ADAMTSL1: variants seen among roughly 807,000 people sequenced by gnomAD.
ADAMTSL1 encodes the protein ADAMTS-like protein 1.
Under a neutral mutation model 201.8 loss-of-function variants are expected in ADAMTSL1, and 126 were observed. The observed-to-expected ratio is 0.62, with a 90% CI of 0.54 to 0.72. The LOEUF (loss-of-function observed/expected upper bound fraction) is 0.72. Among genes scored for constraint, ADAMTSL1 ranks in the 30% least tolerant of loss-of-function variants. The probability of loss-of-function intolerance (pLI) is 0.00; values close to 1 mark genes in which losing one functional copy is unlikely to be tolerated. For missense variants in ADAMTSL1, 2,679 were observed against 2,277.8 expected (o/e 1.18, Z -3.59); for synonymous variants, 1,121 against 903.4 (o/e 1.24, Z -4.32).
intron 1 of ADAMTSL1, among the ~76,000 whole-genome samples, chr9:18,135,180 G>A (rs1035512124): frequency 2.0e-4 from 31 of 152,236 alleles, no homozygotes; most frequent in African/African-American, 7.2e-4. Context: ...TCCATATGTG[G>A]AATCTGCTCT....
At chr9:18,452,112 C>T (rs1397263718) in intron 2 of ADAMTSL1, among the ~76,000 whole-genome samples, 3 of 152,058 alleles carry the variant, frequency 2.0e-5, no homozygotes, top group Non-Finnish European at 4.4e-5. Context: ...GGGGTTTCTC[C>T]ATGTTGGTCA....
At chr9:18,251,479 T>A (rs1184287721) in intron 2 of ADAMTSL1, among the ~76,000 whole-genome samples, 3 of 152,334 alleles carry the variant, frequency 2.0e-5, no homozygotes, top group Non-Finnish European at 4.4e-5. Context: ...ACAAAGGATG[T>A]ACTTCTGAAT....
intron 3 of ADAMTSL1, among the ~76,000 whole-genome samples, chr9:18,565,879 G>A (rs1224103867): frequency 6.6e-6 from 1 of 152,140 alleles, no homozygotes; most frequent in African/African-American, 2.4e-5. Flanking sequence ...CCAAAATTTG[G>A]GGGTTAAAGC....
At chr9:18,281,878 C>T (rs550340402) in intron 2 of ADAMTSL1, among the ~76,000 whole-genome samples, 11 of 152,312 alleles carry the variant, frequency 7.2e-5, no homozygotes, top group Admixed American at 2.6e-4. Flanking sequence ...CCCCATTCTA[C>T]AAATTTTGAT....
At chr9:18,828,714 T>C (rs1486516915) in intron 22 of ADAMTSL1, among the ~76,000 whole-genome samples, 2 of 133,612 alleles carry the variant, frequency 1.5e-5, no homozygotes. Flanking sequence ...TGTGTGTATA[T>C]ATATATATGT....
intron 23 of ADAMTSL1, among the ~76,000 whole-genome samples, chr9:18,860,441 C>A (rs1827138743): frequency 6.6e-6 from 1 of 151,782 alleles, no homozygotes; most frequent in Admixed American, 6.6e-5. Flanking sequence ...GTTACAATGG[C>A]AGAGTTGAGT....
intron 5 of ADAMTSL1, among the ~76,000 whole-genome samples, chr9:18,627,626 A>G (rs1826474403): frequency 6.6e-6 from 1 of 152,190 alleles, no homozygotes; most frequent in African/African-American, 2.4e-5. Flanking sequence ...CAAAGTCAGT[A>G]GCTTAGCATC....
chr9:18,627,919 G>T lies in ADAMTSL1; in HGVS notation c.601+5550G>T, dbSNP rs868832459. ...TTTTGCATAGTGTCAGTTCAAGTCTGTTGCTCATTTTTAAAAAATGTGTTG... is the reference window on the plus strand; with the variant it reads ...TTTTGCATAGTGTCAGTTCAAGTCTTTTGCTCATTTTTAAAAAATGTGTTG... On this transcript the variant is annotated intron_variant, in intron 5 of 28. Transcript: ENST00000380548. 1.1e-4 allele frequency among the ~76,000 whole-genome samples: 17 copies of T among 152,262 alleles called. 1 individual carries two copies. In the Middle Eastern group the frequency reaches 0.014, roughly 122 times the overall value.
chr9:18,581,149 T>C (rs973276498), intron 4 of ADAMTSL1, among the ~76,000 whole-genome samples: 1 of 152,136 alleles, frequency 6.6e-6, no homozygotes, highest in African/African-American at 2.4e-5. Flanking sequence ...CTTCTAATAG[T>C]AGCCATCAAT....
intron 1 of ADAMTSL1, among the ~76,000 whole-genome samples, chr9:17,981,144 C>G (rs11793795): frequency 1.3e-5 from 2 of 152,096 alleles, no homozygotes; most frequent in Admixed American, 6.5e-5. Flanking sequence ...ATAGCTTATC[C>G]AAACCATAGC....
intron 1 of ADAMTSL1, among the ~76,000 whole-genome samples, chr9:18,082,453 A>G (rs571054252): frequency 6.6e-6 from 1 of 152,304 alleles, no homozygotes; most frequent in Non-Finnish European, 1.5e-5. Flanking sequence ...CTGGGATTAC[A>G]GGTGCCAACC....
intron 21 of ADAMTSL1, among the ~76,000 whole-genome samples, chr9:18,825,311 G>T (rs1007699142): frequency 6.6e-6 from 1 of 152,156 alleles, no homozygotes; most frequent in Admixed American, 6.5e-5. Flanking sequence ...CAAAGAGAGA[G>T]CCCATCCCAG....
At chr9:17,969,527 T>C (rs1210756877) in intron 1 of ADAMTSL1, among the ~76,000 whole-genome samples, 2 of 152,048 alleles carry the variant, frequency 1.3e-5, no homozygotes. Flanking sequence ...ACAGCAATAG[T>C]TTTTCCTTTA....
intron 1 of ADAMTSL1, among the ~76,000 whole-genome samples, chr9:18,138,953 A>G (rs1826277529): frequency 6.6e-6 from 1 of 152,150 alleles, no homozygotes; most frequent in African/African-American, 2.4e-5. Context: ...TGTGTGTATG[A>G]GGAAGACTGA....
At chr9:18,078,998 C>T (rs757160992) in intron 1 of ADAMTSL1, among the ~76,000 whole-genome samples, 7 of 152,162 alleles carry the variant, frequency 4.6e-5, no homozygotes, top group African/African-American at 1.7e-4. Context: ...CAAGGTTCCC[C>T]AGGCAGGGGT....
At chr9:18,789,548 T>G (rs1271306391) in intron 19 of ADAMTSL1, among the ~76,000 whole-genome samples, 1 of 152,214 alleles carries the variant, frequency 6.6e-6, no homozygotes, top group Non-Finnish European at 1.5e-5. Context: ...TATGTATTTA[T>G]TTAGTGTGCC....
intron 3 of ADAMTSL1, among the ~76,000 whole-genome samples, chr9:18,548,703 A>T (rs553534337): frequency 6.6e-6 from 1 of 152,228 alleles, no homozygotes; most frequent in East Asian, 1.9e-4. Flanking sequence ...GACACAAATA[A>T]TGAGTATTGA....
In ADAMTSL1 at chr9:18,856,193, T is replaced by C. The variant is rs531856713; in HGVS notation, c.4249+26216T>C. On this transcript the variant is annotated intron_variant, in intron 23 of 28. Transcript: ENST00000380548. ...GCCAAAAATGGTATAACTGCCGAGA[T>C]AAAAATATTATAAAAAGTTAAATTG... Among the ~76,000 whole-genome samples, 167 of 152,278 alleles carry C rather than the reference T, an allele frequency of 1.1e-3. 1 individual carries two copies. The highest frequency in any genetic ancestry group is 3.9e-3 in the African/African-American group (164 of 41,558).
intron 2 of ADAMTSL1, among the ~76,000 whole-genome samples, chr9:18,394,796 A>C (rs1817682594): frequency 6.6e-6 from 1 of 152,248 alleles, no homozygotes; most frequent in African/African-American, 2.4e-5. Context: ...GTCTGAAAAA[A>C]GGAAAGCATT....
Sources: allele counts gnomAD v4.1 joint callset (sites outside exome capture counted in the v4.1 genomes callset), GRCh38; gene constraint gnomAD v4.1.1; transcripts MANE v1.5; gene names NCBI Gene and HGNC (gene_info 2026-07-23, HGNC 2026-07-21).